Variants in ARHGEF10 observed in about 807,000 individuals in gnomAD.
ARHGEF10 encodes Rho guanine nucleotide exchange factor (GEF) 10.
Under a neutral mutation model 147.4 loss-of-function variants are expected in ARHGEF10, and 140 were observed. That is an observed-to-expected ratio of 0.95 (90% CI 0.83 to 1.09). The LOEUF (loss-of-function observed/expected upper bound fraction) is 1.09, where lower values mean the gene tolerates loss of function less well. Among genes scored for constraint, ARHGEF10 ranks in the 50% least tolerant of loss-of-function variants. The pLI is 0.00. For missense variants in ARHGEF10, 2,222 were observed against 1,752.7 expected (o/e 1.27, Z -4.78); for synonymous variants, 902 against 695.8 (o/e 1.30, Z -4.67).
chr8:1,937,746 C>G lies in ARHGEF10; in HGVS notation c.3222+3804C>G, dbSNP rs1425294801. On this transcript the variant is annotated intron_variant, in intron 26 of 28. Coordinates refer to ENST00000349830, the MANE Select transcript of ARHGEF10 (RefSeq NM_014629.4). The surrounding 1 kb of genome is among the most constrained non-coding windows in gnomAD (Gnocchi z 4.9). ...GCCTTGCTGACAGCGAGGGCAGCAGCTGCGGGGGGATCCGTCCCGAATGGC... is the reference window on the plus strand; with the variant it reads ...GCCTTGCTGACAGCGAGGGCAGCAGGTGCGGGGGGATCCGTCCCGAATGGC... 6.6e-6 allele frequency among the ~76,000 whole-genome samples: 1 copy of G among 152,224 alleles called. No individual in the cohort carries two copies. Among genetic ancestry groups the G allele is most frequent in the Non-Finnish European group, 1.5e-5 (1 of 68,038 alleles).
intron 5 of ARHGEF10, 150 bp from the exon 6 acceptor site, chr8:1,866,376 G>A (rs928770048): frequency 1.3e-6 from 1 of 743,948 alleles, no homozygotes; most frequent in African/African-American, 1.7e-5. Context: ...ATAATAGCTG[G>A]GAAAATATGT....
chr8:1,851,192 C>G (rs1055273347), intron 2 of ARHGEF10, among the ~76,000 whole-genome samples: 9 of 150,004 alleles, frequency 6.0e-5, no homozygotes, highest in Non-Finnish European at 4.5e-5. Flanking sequence ...TAGCGACGTA[C>G]CTCAACATCA....
chr8:1,829,621 C>T (rs1398245731), intron 1 of ARHGEF10, among the ~76,000 whole-genome samples: 1 of 152,238 alleles, frequency 6.6e-6, no homozygotes, highest in Non-Finnish European at 1.5e-5. Context: ...GCTCTGCATT[C>T]AGCCAGCAGA....
chr8:1,928,537 G>C lies in ARHGEF10; in HGVS notation c.2808G>C (p.Leu936=), dbSNP rs1181160340. The C allele has an allele frequency of 6.2e-7, 1 of 1,614,228 alleles. No individual in the cohort carries two copies. The highest frequency in any genetic ancestry group is 1.7e-5 in the Admixed American group (1 of 60,030). The change falls in exon 24 of 29, where the codon CTG becomes CTC. Residue 936 remains leucine (L), a synonymous_variant. Coordinates refer to ENST00000349830, the MANE Select transcript of ARHGEF10 (RefSeq NM_014629.4). ...TGGAATCTCGCATCCTGTGCATGCT[G>C]TACGTTCCCGTCGAGGAGAAGCGCA... The part of the protein sequence containing the change: ...FNVESRILCM[L]YVPVEEKRRE...
At chr8:1,850,930 G>A (rs771794659) in intron 2 of ARHGEF10, among the ~76,000 whole-genome samples, 1 of 152,020 alleles carries the variant, frequency 6.6e-6, no homozygotes, top group South Asian at 2.1e-4. Context: ...CTTACTGAGC[G>A]AGAGAAGCCA....
rs1247661329 is a variant in ARHGEF10, at chr8:1,860,201, C to G, written c.481+17C>G. On this transcript the variant is annotated intron_variant, in intron 4 of 28. Transcript: ENST00000349830. ...ACGAAGAAGGTACTGCTACCCTCCT[C>G]TCCACGCCCCCGAAGTGGCCTGTGG... The G allele has an allele frequency of 1.2e-6, 2 of 1,609,486 alleles. No homozygotes were observed. Among genetic ancestry groups the G allele is most frequent in the Non-Finnish European group, 1.7e-6 (2 of 1,179,606 alleles).
intron 2 of ARHGEF10, among the ~76,000 whole-genome samples, chr8:1,845,817 C>G (rs1804515291): frequency 6.6e-6 from 1 of 152,176 alleles, no homozygotes; most frequent in Admixed American, 6.5e-5. Flanking sequence ...TAGGACTCCA[C>G]TTTGTGTGTA....
intron 1 of ARHGEF10, among the ~76,000 whole-genome samples, chr8:1,841,746 G>A (rs1585232102): frequency 6.6e-6 from 1 of 152,166 alleles, no homozygotes; most frequent in South Asian, 2.1e-4. Flanking sequence ...CTCGTGGGGA[G>A]CCCCAGTGCG....
chr8:1,932,578 G>A (rs1290924968), intron 25 of ARHGEF10, among the ~76,000 whole-genome samples: 1 of 152,234 alleles, frequency 6.6e-6, no homozygotes, highest in Non-Finnish European at 1.5e-5. Context: ...CATAATGATA[G>A]ACTGGGCCCT....
chr8:1,842,682 C>G (rs983554003), intron 1 of ARHGEF10, among the ~76,000 whole-genome samples: 1 of 152,226 alleles, frequency 6.6e-6, no homozygotes, highest in Non-Finnish European at 1.5e-5. Context: ...ATGGCTCTGG[C>G]GGGAGCCAGG....
At chr8:1,852,655 T>G (rs1214910486) in intron 2 of ARHGEF10, among the ~76,000 whole-genome samples, 1 of 152,258 alleles carries the variant, frequency 6.6e-6, no homozygotes, top group Non-Finnish European at 1.5e-5. Flanking sequence ...ATGGGCATGG[T>G]CATATTATGT....
At chr8:1,951,016 C>A (rs932297502) in intron 27 of ARHGEF10, among the ~76,000 whole-genome samples, 2 of 152,214 alleles carry the variant, frequency 1.3e-5, no homozygotes, top group African/African-American at 4.8e-5. Context: ...ATCTCACATC[C>A]CTGCTCCCAC....
In ARHGEF10 at chr8:1,931,776, G is replaced by A. The variant is rs944477285; in HGVS notation, c.3080-2024G>A. Among the ~76,000 whole-genome samples, 5 of 134,542 alleles carry A rather than the reference G, an allele frequency of 3.7e-5. No homozygotes were observed. In the Admixed American group the frequency reaches 4.0e-4, roughly 11 times the overall value. The allele number at this position is 134,542 out of a possible 152,430, so 88.3% of individuals were successfully genotyped here. Reference sequence around the variant, plus strand: ...TAAGTGTTAGTTCAAAACGTCATTAGCGTGTGCCTGGTTCCGGCTGCGATT... The same window carrying A: ...TAAGTGTTAGTTCAAAACGTCATTAACGTGTGCCTGGTTCCGGCTGCGATT... On this transcript the variant is annotated intron_variant, in intron 25 of 28. Transcript: ENST00000349830.
chr8:1,860,541 A>G (rs1806043869), intron 4 of ARHGEF10, among the ~76,000 whole-genome samples: 1 of 150,626 alleles, frequency 6.6e-6, no homozygotes, highest in Admixed American at 6.7e-5. Context: ...CACCCAGGTC[A>G]TTAGATGTTT....
Position 1,926,328 on chromosome 8 carries a change from C to G in ARHGEF10, c.2611-49C>G, listed in dbSNP as rs200822309. On this transcript the variant is annotated intron_variant, in intron 22 of 28. Coordinates refer to ENST00000349830, the MANE Select transcript of ARHGEF10 (RefSeq NM_014629.4). ...TTTAAGACGTTATGTAGTCTAGGAG[C>G]CTCTTAGCTCTGTTTTATATGTGAG... 1.5e-5 allele frequency: 22 copies of G among 1,469,576 alleles called. No homozygotes were observed. The East Asian group carries it at 4.8e-4, about 32-fold the overall frequency. 91.0% of individuals were successfully genotyped at this position (1,469,576 alleles called of 1,614,324 possible).
intron 27 of ARHGEF10, among the ~76,000 whole-genome samples, chr8:1,949,230 C>T (rs909514757): frequency 7.2e-5 from 11 of 152,154 alleles, no homozygotes; most frequent in Admixed American, 3.3e-4. Flanking sequence ...GGTCTCAGCA[C>T]GCTGGCCCCT....
Position 1,928,623 on chromosome 8 carries a change from C to T in ARHGEF10, c.2894C>T (p.Thr965Met), listed in dbSNP as rs375235314. 66 of 1,614,044 alleles carry T rather than the reference C, an allele frequency of 4.1e-5. No individual in the cohort carries two copies. Among genetic ancestry groups the T allele is most frequent in the African/African-American group, 2.5e-4 (19 of 74,910 alleles). ...GCCGTGAGAGCTTCTGATGTCCCCA[C>T]GATCTGTGTAGGGACGGAGGAGGGA... Reference protein sequence around the residue: ...TPAVRASDVPTICVGTEEGSI... With the variant: ...TPAVRASDVPMICVGTEEGSI... The change falls in exon 24 of 29, where the codon ACG (threonine) becomes ATG (methionine). Residue 965 changes from threonine to methionine, a missense_variant. Physicochemically the swap from Thr to Met is moderately conservative, Grantham distance 81. Coordinates refer to ENST00000349830, the MANE Select transcript of ARHGEF10 (RefSeq NM_014629.4).
Position 1,957,155 on chromosome 8 carries a change from C to G in ARHGEF10, c.3927C>G (p.Val1309=). The change falls in exon 29 of 29, where the codon GTC becomes GTG. Residue 1309 remains valine (V), a synonymous_variant. Transcript: ENST00000349830. ...CCAAGGCCAGCTCGGCGCTGGTGGT[C>G]TGTGGAGGGCAGGGCCACCGCCGGG... The part of the protein sequence containing the change: ...KKAKASSALV[V]CGGQGHRRVH... 9 of 1,612,760 alleles carry G rather than the reference C, an allele frequency of 5.6e-6. No homozygotes were observed. Among genetic ancestry groups the G allele is most frequent in the Non-Finnish European group, 7.6e-6 (9 of 1,180,028 alleles).
intron 19 of ARHGEF10, 68 bp downstream of exon 19, chr8:1,923,147 T>C (rs1812426294): frequency 1.7e-6 from 2 of 1,175,826 alleles, no homozygotes; most frequent in Non-Finnish European, 2.5e-6. Context: ...TATGTGATTA[T>C]ATCTCCAAGT....
Sources: allele counts gnomAD v4.1 joint callset (sites outside exome capture counted in the v4.1 genomes callset), GRCh38; gene constraint gnomAD v4.1.1; non-coding constraint Gnocchi (gnomAD v3.1); transcripts MANE v1.5; gene names NCBI Gene and HGNC (gene_info 2026-07-23, HGNC 2026-07-21).